The following ANK2 variants were observed in gnomAD, a reference collection of about 807,000 sequenced individuals.
ANK2 encodes the protein ankyrin 2, also known as ankyrin-2.
Under a neutral mutation model 360.5 loss-of-function variants are expected in ANK2, and 83 were observed. The ratio of observed to expected loss-of-function variants is 0.23; its 90% CI spans 0.19 to 0.28. The LOEUF is 0.28. Among genes scored for constraint, ANK2 ranks in the 10% least tolerant of loss-of-function variants. The probability of loss-of-function intolerance (pLI) is 1.00; values close to 1 mark genes in which losing one functional copy is unlikely to be tolerated. For missense variants in ANK2, 4,201 were observed against 4,795.7 expected, an observed-to-expected ratio of 0.88 and a Z score of 3.66; for synonymous variants, 1,740 against 1,759.5, an observed-to-expected ratio of 0.99 and a Z score of 0.28.
intron 2 of ANK2, among the ~76,000 whole-genome samples, chr4:112,974,113 TG>T (rs2040539752): frequency 6.6e-6 from 1 of 152,194 alleles, no homozygotes. Context: ...ACCCATCTGC[TG>T]GGAGTTTGTC....
chr4:112,714,193 C>A, the ANK2 span, among the ~76,000 whole-genome samples: 4 of 151,946 alleles, frequency 2.6e-5, no homozygotes, highest in South Asian at 8.3e-4. Context: ...GTTTTCTTTA[C>A]TTTTTTTGAG....
intron 1 of ANK2, among the ~76,000 whole-genome samples, chr4:112,853,176 C>T (rs1312994486): frequency 6.6e-6 from 1 of 152,092 alleles, no homozygotes; most frequent in Non-Finnish European, 1.5e-5. Flanking sequence ...TCAAGGGATT[C>T]TCCTGCCTCC....
At chr4:113,036,087 G>A (rs958362109) in intron 2 of ANK2, among the ~76,000 whole-genome samples, 2 of 151,790 alleles carry the variant, frequency 1.3e-5, no homozygotes, top group Non-Finnish European at 2.9e-5. Flanking sequence ...TCCAATGTCT[G>A]TGTTTTCTAG....
intron 3 of ANK2, 48 bp downstream of exon 3, chr4:113,196,514 T>A: frequency 6.9e-7 from 1 of 1,456,044 alleles, no homozygotes; most frequent in Non-Finnish European, 9.6e-7. Context: ...AAAGCGAAAA[T>A]AATTTAAAGC....
In ANK2 at chr4:113,206,566, A is replaced by T. The variant is rs118044646; in HGVS notation, c.384+7457A>T. Among the ~76,000 whole-genome samples the T allele has an allele frequency of 3.3e-5, 5 of 152,260 alleles. No homozygotes were observed. The East Asian group carries it at 9.6e-4, about 29-fold the overall frequency. Reference sequence around the variant, plus strand: ...CAGGTACTTGCATTTGACAAGGAATAAAAAAGAAGTCAGGACACTTGTGTT... The same window carrying T: ...CAGGTACTTGCATTTGACAAGGAATTAAAAAGAAGTCAGGACACTTGTGTT... On this transcript the variant is annotated intron_variant, in intron 4 of 45. Transcript: ENST00000357077.
At chr4:112,782,021 G>C in the ANK2 span, among the ~76,000 whole-genome samples, 1 of 151,776 alleles carries the variant, frequency 6.6e-6, no homozygotes, top group Admixed American at 6.6e-5. Context: ...GTAGAGACAG[G>C]GTTTCACCAT....
chr4:113,357,587 G>A lies in ANK2; in HGVS notation c.8969G>A (p.Gly2990Asp), dbSNP rs775764610. ...TVLSKESNFE[G>D]QDIKMESQQE... is the part of the protein sequence containing the mutation. ...TTAAGCAAAGAATCTAATTTTGAGG[G>A]CCAGGACATAAAAATGGAATCCCAA... The change falls in exon 38 of 46, where the codon GGC becomes GAC. Residue 2990 changes from glycine (G) to aspartate (D), a missense_variant. Gly to Asp is a moderately conservative substitution (Grantham distance 94). Around this residue, in one of 4 missense-constraint regions of ANK2, gnomAD observed 2,642 missense variants for 2,714.5 expected, o/e 0.97. Coordinates refer to ENST00000357077, the MANE Select transcript of ANK2 (RefSeq NM_001148.6). 2 of 1,613,962 alleles carry A rather than the reference G, an allele frequency of 1.2e-6. No individual in the cohort carries two copies. The highest frequency in any genetic ancestry group is 1.7e-5 in the Admixed American group (1 of 59,994).
At chr4:112,875,320 A>G (rs963260987) in intron 1 of ANK2, among the ~76,000 whole-genome samples, 4 of 151,928 alleles carry the variant, frequency 2.6e-5, no homozygotes, top group Admixed American at 1.3e-4. Flanking sequence ...GCTCCGCCTA[A>G]TTATGTTTTT....
At chr4:113,210,751 C>A (rs186944212) in intron 4 of ANK2, among the ~76,000 whole-genome samples, 1 of 152,124 alleles carries the variant, frequency 6.6e-6, no homozygotes, top group Non-Finnish European at 1.5e-5. Context: ...GGGCACTCTA[C>A]GTTAGTTGCT....
intron 1 of ANK2, among the ~76,000 whole-genome samples, chr4:113,065,897 C>T (rs553483256): frequency 1.8e-3 from 278 of 152,266 alleles, no homozygotes; most frequent in African/African-American, 6.3e-3. Context: ...GTCTGTTGTT[C>T]AGCTGTGATT....
the ANK2 span, among the ~76,000 whole-genome samples, chr4:112,756,369 T>C: frequency 2.0e-5 from 3 of 152,154 alleles, no homozygotes; most frequent in Non-Finnish European, 1.5e-5. Context: ...TCGGAAATAA[T>C]TTGGTTATCA....
At chr4:113,286,315 G>C (rs1337694358) in intron 18 of ANK2, among the ~76,000 whole-genome samples, 3 of 152,276 alleles carry the variant, frequency 2.0e-5, no homozygotes, top group Admixed American at 2.0e-4. Context: ...TAATAGAAAA[G>C]GATACACCTT....
At chr4:112,790,526 C>A in the ANK2 span, among the ~76,000 whole-genome samples, 3 of 141,580 alleles carry the variant, frequency 2.1e-5, no homozygotes, top group African/African-American at 7.9e-5. Context: ...TTTGCTCTGT[C>A]GCCCAGGCTG....
chr4:112,899,693 A>G (rs1409761875), intron 1 of ANK2, among the ~76,000 whole-genome samples: 4 of 152,154 alleles, frequency 2.6e-5, no homozygotes, highest in Non-Finnish European at 4.4e-5. Flanking sequence ...TCTGCTTTTC[A>G]TCAATCCATC....
intron 2 of ANK2, among the ~76,000 whole-genome samples, chr4:113,041,854 T>G (rs772738086): frequency 2.0e-5 from 3 of 152,122 alleles, no homozygotes; most frequent in Non-Finnish European, 2.9e-5. Flanking sequence ...GTCTTCTCAT[T>G]GTATCTTCAC....
chr4:113,230,501 C>T (rs902227929), intron 4 of ANK2, among the ~76,000 whole-genome samples: 25 of 150,894 alleles, frequency 1.7e-4, no homozygotes, highest in African/African-American at 5.9e-4. Flanking sequence ...GGTGACAGAG[C>T]GAGACTCCAT....
intron 4 of ANK2, among the ~76,000 whole-genome samples, chr4:113,207,845 G>A (rs1364236881): frequency 1.3e-5 from 2 of 152,172 alleles, no homozygotes; most frequent in Non-Finnish European, 2.9e-5. Flanking sequence ...ACAATGATGA[G>A]GTGGGCAGGG....
In ANK2 at chr4:113,293,517, G is replaced by T. The variant is rs2153747059; in HGVS notation, c.2454G>T (p.Glu818Asp). The T allele has an allele frequency of 1.2e-6, 2 of 1,613,512 alleles. No individual in the cohort carries two copies. Among genetic ancestry groups the T allele is most frequent in the Non-Finnish European group, 1.7e-6 (2 of 1,179,944 alleles). The change falls in exon 22 of 46, where the codon GAG (glutamate) becomes GAT (aspartate). Residue 818 changes from glutamate (E) to aspartate (D), a missense_variant. By Grantham distance (45) the Glu-to-Asp change is conservative (BLOSUM62 2). Around this residue, in one of 4 missense-constraint regions of ANK2, gnomAD observed 1,268 missense variants for 1,650.8 expected, o/e 0.77. Coordinates refer to ENST00000357077, the MANE Select transcript of ANK2 (RefSeq NM_001148.6). ...SVVDTLKVVT[E>D]EVTTTTTTIT... is the part of the protein sequence containing the mutation. ...TCGACACCCTGAAGGTTGTGACTGA[G>T]GAGGTCACCACCACCACCACAGTGA... is the stretch of plus-strand genomic sequence containing the variant.
chr4:113,190,987 A>G (rs952167355), intron 2 of ANK2, among the ~76,000 whole-genome samples: 5 of 152,204 alleles, frequency 3.3e-5, no homozygotes, highest in African/African-American at 1.2e-4. Context: ...TACCTATGTA[A>G]TCTTATAAAA....
Sources: allele counts gnomAD v4.1 joint callset (sites outside exome capture counted in the v4.1 genomes callset), GRCh38; gene constraint gnomAD v4.1.1; regional missense constraint gnomAD v4.1.1; transcripts MANE v1.5; gene names NCBI Gene and HGNC (gene_info 2026-07-23, HGNC 2026-07-21).